MMP16: variants seen among roughly 807,000 people sequenced by gnomAD.
MMP16 encodes matrix metallopeptidase 16.
In MMP16, 12 loss-of-function variants were observed where a neutral mutation model predicts 67.8. The ratio of observed to expected loss-of-function variants is 0.18; its 90% CI spans 0.11 to 0.29. MMP16 has a LOEUF of 0.29. MMP16 is among the 10% of genes least tolerant of loss of function. The pLI is 1.00. For synonymous variants in MMP16, 249 were observed against 255.9 expected (o/e 0.97, Z 0.26); for missense variants, 475 against 765.7 (o/e 0.62, Z 4.48).
chr8:88,077,296 C>T (rs1808667085), intron 6 of MMP16, among the ~76,000 whole-genome samples: 2 of 152,152 alleles, frequency 1.3e-5, no homozygotes, highest in East Asian at 3.9e-4. Flanking sequence ...TTACTATAGA[C>T]TGCCATTTCA....
At chr8:88,312,569 T>A (rs571316669) in intron 1 of MMP16, among the ~76,000 whole-genome samples, 1 of 152,188 alleles carries the variant, frequency 6.6e-6, no homozygotes, top group Non-Finnish European at 1.5e-5. Context: ...ATATCCATTA[T>A]CAGCAAAAGT....
intron 6 of MMP16, among the ~76,000 whole-genome samples, chr8:88,099,386 C>T (rs948175291): frequency 6.6e-6 from 1 of 151,696 alleles, no homozygotes; most frequent in African/African-American, 2.4e-5. Context: ...TATATAGTGA[C>T]TTAATACAAT....
intron 1 of MMP16, among the ~76,000 whole-genome samples, chr8:88,241,102 G>C (rs1272262720): frequency 6.8e-6 from 1 of 146,778 alleles, no homozygotes; most frequent in Non-Finnish European, 1.5e-5. Flanking sequence ...TTCTTAAATA[G>C]TACTTCAACA....
chr8:88,223,747 G>A (rs1049771835), intron 1 of MMP16, among the ~76,000 whole-genome samples: 8 of 150,320 alleles, frequency 5.3e-5, no homozygotes, highest in Non-Finnish European at 8.9e-5. Flanking sequence ...TGTAAATGAC[G>A]AGTTAATGGG....
intron 3 of MMP16, among the ~76,000 whole-genome samples, chr8:88,174,108 T>C (rs1237748966): frequency 6.6e-6 from 1 of 152,178 alleles, no homozygotes; most frequent in African/African-American, 2.4e-5. Context: ...TAAAATAACT[T>C]CCAGTGTGTC....
rs569444611 is a variant in MMP16, at chr8:88,307,215, A to G, written c.132+19860T>C. ...CTTTCCTGGTGCACTCCATCCAACA[A>G]TCTCTGAACTACATTAGCAATTTCC... On this transcript the variant is annotated intron_variant, in intron 1 of 9. Coordinates refer to ENST00000286614, the MANE Select transcript of MMP16 (RefSeq NM_005941.5). Among the ~76,000 whole-genome samples, 6 of 152,258 alleles carry G rather than the reference A, an allele frequency of 3.9e-5. No homozygotes were observed. The East Asian group carries it at 1.2e-3, about 29-fold the overall frequency.
At chr8:88,067,892 T>C (rs920120124) in intron 7 of MMP16, among the ~76,000 whole-genome samples, 5 of 152,150 alleles carry the variant, frequency 3.3e-5, no homozygotes, top group Non-Finnish European at 7.4e-5. Flanking sequence ...GTAGAGGTCT[T>C]TGATTACACA....
intron 6 of MMP16, among the ~76,000 whole-genome samples, chr8:88,103,052 C>T (rs968733727): frequency 6.6e-6 from 1 of 151,872 alleles, no homozygotes; most frequent in African/African-American, 2.4e-5. Flanking sequence ...CTTTATGAAG[C>T]AGCTCTGTTT....
At chr8:88,071,749 A>C (rs1416032952) in intron 7 of MMP16, among the ~76,000 whole-genome samples, 1 of 152,124 alleles carries the variant, frequency 6.6e-6, no homozygotes, top group African/African-American at 2.4e-5. Flanking sequence ...GTATTGTTTA[A>C]GACAACAAAC....
chr8:88,067,231 A>T (rs1275069350), intron 7 of MMP16, among the ~76,000 whole-genome samples: 1 of 152,128 alleles, frequency 6.6e-6, no homozygotes, highest in Non-Finnish European at 1.5e-5. Context: ...ATGAGGGTAC[A>T]TTGCACTTGA....
At chr8:88,174,903 G>A (rs145027670) in intron 3 of MMP16, among the ~76,000 whole-genome samples, 1,539 of 152,058 alleles carry the variant, frequency 0.01, 11 homozygotes, top group Non-Finnish European at 0.016. Context: ...AAACGCACGC[G>A]CCACCACGCC....
intron 1 of MMP16, among the ~76,000 whole-genome samples, chr8:88,275,431 T>C (rs1270564725): frequency 6.6e-6 from 1 of 151,972 alleles, no homozygotes; most frequent in Non-Finnish European, 1.5e-5. Flanking sequence ...ATGACTTTAG[T>C]TCCAATATAG....
intron 1 of MMP16, among the ~76,000 whole-genome samples, chr8:88,258,139 G>C (rs1290978679): frequency 6.6e-6 from 1 of 151,512 alleles, no homozygotes; most frequent in East Asian, 1.9e-4. Context: ...TCTGCCTCCC[G>C]GGTTCACGTC....
intron 1 of MMP16, among the ~76,000 whole-genome samples, chr8:88,220,396 A>G (rs1809662517): frequency 6.6e-6 from 1 of 152,114 alleles, no homozygotes; most frequent in South Asian, 2.1e-4. Flanking sequence ...TGTTCTATAG[A>G]AATCCCTTTG....
chr8:88,326,873 T>G lies in MMP16; in HGVS notation c.132+202A>C, dbSNP rs1586022294. On this transcript the variant is annotated intron_variant, in intron 1 of 9. Transcript: ENST00000286614. ...GAGCGCGCAGCATCGTGCTTTGTGC[T>G]GCCGGGGATAACGGATTCTGGGTCT... The G allele has an allele frequency of 5.6e-5, 31 of 549,534 alleles. No individual in the cohort carries two copies. The East Asian group carries it at 1.0e-3, about 18-fold the overall frequency. 34.0% of individuals were successfully genotyped at this position (549,534 alleles called of 1,614,324 possible).
At chr8:88,263,255 T>C (rs991087347) in intron 1 of MMP16, among the ~76,000 whole-genome samples, 4 of 151,860 alleles carry the variant, frequency 2.6e-5, no homozygotes, top group Admixed American at 2.6e-4. Flanking sequence ...AAAAAAAAAA[T>C]TCAATTTTTT....
At chr8:88,202,499 C>G (rs1173116241) in intron 1 of MMP16, among the ~76,000 whole-genome samples, 2 of 152,104 alleles carry the variant, frequency 1.3e-5, no homozygotes, top group African/African-American at 4.8e-5. Context: ...GTGCCCTTAC[C>G]TGAAATTCCA....
At chr8:88,189,390 A>G (rs1381165167) in intron 2 of MMP16, among the ~76,000 whole-genome samples, 1 of 152,090 alleles carries the variant, frequency 6.6e-6, no homozygotes, top group African/African-American at 2.4e-5. Context: ...CTCAGCTGAA[A>G]GCCTTAGCAT....
intron 1 of MMP16, among the ~76,000 whole-genome samples, chr8:88,285,959 A>T (rs545019159): frequency 6.6e-6 from 1 of 152,272 alleles, no homozygotes; most frequent in Non-Finnish European, 1.5e-5. Context: ...CCAGCTTCAT[A>T]TCCCATGGTA....
Sources: gnomAD v4.1 joint callset for allele counts (sites outside exome capture counted in the v4.1 genomes callset) on GRCh38, gnomAD v4.1.1 for gene constraint, MANE v1.5 for transcripts, NCBI Gene and HGNC (gene_info 2026-07-23, HGNC 2026-07-21) for gene names.